Variants in XIRP2 observed in about 807,000 individuals in gnomAD.
The protein encoded by XIRP2 is xin actin binding repeat containing 2, also known as xin actin-binding repeat-containing protein 2.
Under a neutral mutation model 277.0 loss-of-function variants are expected in XIRP2, and 236 were observed. The ratio of observed to expected loss-of-function variants is 0.85; its 90% CI spans 0.77 to 0.95. XIRP2 has a LOEUF of 0.95. Among genes scored for constraint, XIRP2 ranks in the 40% least tolerant of loss-of-function variants. The probability of loss-of-function intolerance (pLI) is 0.00; values close to 1 mark genes in which losing one functional copy is unlikely to be tolerated. For missense variants in XIRP2, 4,640 were observed against 4,157.5 expected (o/e 1.12, Z -3.19); for synonymous variants, 1,490 against 1,416.5 (o/e 1.05, Z -1.17).
chr2:167,138,779 C>T (rs1000484618), intron 3 of XIRP2, among the ~76,000 whole-genome samples: 5 of 151,990 alleles, frequency 3.3e-5, no homozygotes, highest in African/African-American at 7.2e-5. Context: ...AAATCTGATT[C>T]GTTGGGCTGG....
At chr2:166,915,572 A>T (rs1394607723) in intron 2 of XIRP2, among the ~76,000 whole-genome samples, 1 of 152,188 alleles carries the variant, frequency 6.6e-6, no homozygotes, top group East Asian at 1.9e-4. Context: ...CATAGGTATT[A>T]GAGAATGAGG....
intron 2 of XIRP2, among the ~76,000 whole-genome samples, chr2:167,085,649 T>C (rs1355780010): frequency 6.6e-6 from 1 of 152,120 alleles, no homozygotes; most frequent in African/African-American, 2.4e-5. Context: ...CATATATATT[T>C]AGGATAGTTA....
chr2:167,083,278 G>C (rs905315931), intron 2 of XIRP2, among the ~76,000 whole-genome samples: 2 of 152,028 alleles, frequency 1.3e-5, no homozygotes, highest in South Asian at 2.1e-4. Flanking sequence ...ATTTCTGAGG[G>C]CTCTGTTCTG....
chr2:167,210,117 A>G (rs1408549942), intron 3 of XIRP2, among the ~76,000 whole-genome samples: 1 of 152,144 alleles, frequency 6.6e-6, no homozygotes, highest in Non-Finnish European at 1.5e-5. Flanking sequence ...TATGTAATAC[A>G]TGCCCCTAAG....
At chr2:166,931,535 G>C (rs928497132) in intron 2 of XIRP2, among the ~76,000 whole-genome samples, 1 of 152,082 alleles carries the variant, frequency 6.6e-6, no homozygotes, top group Non-Finnish European at 1.5e-5. Flanking sequence ...ATATTCTTTT[G>C]TGTCTATTTT....
intron 2 of XIRP2, among the ~76,000 whole-genome samples, chr2:167,062,737 T>G (rs986919337): frequency 2.6e-5 from 4 of 152,104 alleles, no homozygotes; most frequent in Non-Finnish European, 5.9e-5. Flanking sequence ...GGGTGACTTT[T>G]GGTATCTGGT....
At chr2:167,050,424 C>G (rs16852887) in intron 2 of XIRP2, among the ~76,000 whole-genome samples, 2,036 of 152,154 alleles carry the variant, frequency 0.013, 49 homozygotes, top group African/African-American at 0.047. Flanking sequence ...AGCACTATTG[C>G]TTATCCATTG....
rs778356690 is a variant in XIRP2, at chr2:167,242,922, A to T, written c.1530A>T (p.Arg510Ser). 9 of 1,613,490 alleles carry T rather than the reference A, an allele frequency of 5.6e-6. No individual in the cohort carries two copies. Among genetic ancestry groups the T allele is most frequent in the Non-Finnish European group, 7.6e-6 (9 of 1,179,902 alleles). The change falls in exon 9 of 11, where the codon AGA (arginine) becomes AGT (serine). Residue 510 changes from arginine to serine, a missense_variant. Coordinates refer to ENST00000409195, the MANE Select transcript of XIRP2 (RefSeq NM_152381.6). ...ATAAACACATCCATCCTGAGTTAAG[A>T]AAAAACTTAGAAAAAGATTATATCA... ...RLYKHIHPEL[R>S]KNLEKDYISE... is the part of the protein sequence containing the mutation.
rs558408228 is a variant in XIRP2 at position 167,051,810 on chromosome 2, C to T, written c.409-84099C>T. Among the ~76,000 whole-genome samples the T allele has an allele frequency of 5.9e-5, 9 of 152,046 alleles. No homozygotes were observed. The South Asian group carries it at 1.5e-3, about 25-fold the overall frequency. ...GAAGAAATTTTTAGTGATAACCCTCCGAATGATTCAGTAAGTTATACAGTA... is the reference window on the plus strand; with the variant it reads ...GAAGAAATTTTTAGTGATAACCCTCTGAATGATTCAGTAAGTTATACAGTA... On this transcript the variant is annotated intron_variant, in intron 2 of 10. Transcript: ENST00000409195.
intron 1 of XIRP2, among the ~76,000 whole-genome samples, chr2:166,892,912 GTGTATATA>G (rs1309150988): frequency 2.0e-5 from 3 of 147,446 alleles, no homozygotes; most frequent in Admixed American, 1.4e-4. Flanking sequence ...GTATATTTAT[GTGTATATA>G]TGTATATATG....
chr2:166,899,501 A>G (rs1684323514), intron 1 of XIRP2, among the ~76,000 whole-genome samples: 1 of 151,758 alleles, frequency 6.6e-6, no homozygotes, highest in Admixed American at 6.6e-5. Flanking sequence ...TTCTTTCATC[A>G]TTTCCTTTGT....
chr2:167,233,082 T>C (rs1363871346), intron 5 of XIRP2, among the ~76,000 whole-genome samples: 2 of 152,020 alleles, frequency 1.3e-5, no homozygotes, highest in African/African-American at 4.8e-5. Context: ...TAAAATTTAG[T>C]TCAGGTGAAA....
intron 2 of XIRP2, among the ~76,000 whole-genome samples, chr2:167,114,561 C>T (rs1338181989): frequency 6.6e-6 from 1 of 151,990 alleles, no homozygotes; most frequent in Non-Finnish European, 1.5e-5. Context: ...GGTCATCTAG[C>T]ATTAGGTATA....
chr2:167,253,819 G>C (rs1047536434), intron 9 of XIRP2, among the ~76,000 whole-genome samples: 6 of 151,368 alleles, frequency 4.0e-5, no homozygotes, highest in African/African-American at 1.5e-4. Context: ...ATCTATAAAT[G>C]GTAGAAGCAC....
intron 8 of XIRP2, among the ~76,000 whole-genome samples, chr2:167,242,182 C>T (rs1559036632): frequency 6.6e-6 from 1 of 152,000 alleles, no homozygotes; most frequent in African/African-American, 2.4e-5. Flanking sequence ...ATTTTAAATG[C>T]CAGATGCTTA....
intron 2 of XIRP2, among the ~76,000 whole-genome samples, chr2:167,108,463 C>A (rs958605078): frequency 6.6e-6 from 1 of 152,002 alleles, no homozygotes; most frequent in African/African-American, 2.4e-5. Context: ...CTAACATAAG[C>A]ATTTAATGTT....
chr2:167,121,566 TA>T (rs1191381736), intron 2 of XIRP2, among the ~76,000 whole-genome samples: 1 of 152,194 alleles, frequency 6.6e-6, no homozygotes, highest in Non-Finnish European at 1.5e-5. Context: ...TGAAACTAGT[TA>T]AAATATTTTA....
chr2:167,028,047 C>A (rs1688223772), intron 2 of XIRP2, among the ~76,000 whole-genome samples: 1 of 151,998 alleles, frequency 6.6e-6, no homozygotes, highest in Non-Finnish European at 1.5e-5. Context: ...TTTTATTCTT[C>A]CTTACATTAA....
intron 3 of XIRP2, among the ~76,000 whole-genome samples, chr2:167,145,100 A>G (rs1038197251): frequency 3.9e-5 from 6 of 152,338 alleles, no homozygotes; most frequent in Middle Eastern, 3.4e-3. Context: ...GATTTATTCT[A>G]TCTATAATTT....
Sources: gnomAD v4.1 joint callset for allele counts (sites outside exome capture counted in the v4.1 genomes callset) on GRCh38, gnomAD v4.1.1 for gene constraint, MANE v1.5 for transcripts, NCBI Gene and HGNC (gene_info 2026-07-23, HGNC 2026-07-21) for gene names.